Variants in NLRP8 observed in about 807,000 individuals in gnomAD.
NLRP8 encodes NLR family pyrin domain containing 8.
In NLRP8, 86 loss-of-function variants were observed where a neutral mutation model predicts 88.7. That is an observed-to-expected ratio of 0.97 (90% CI 0.81 to 1.16). NLRP8 has a LOEUF of 1.16. Ranked by LOEUF, NLRP8 falls within the 50% of genes most tolerant of loss-of-function variation. The probability of loss-of-function intolerance (pLI) is 0.00; values close to 1 mark genes in which losing one functional copy is unlikely to be tolerated. For synonymous variants in NLRP8, 504 were observed against 494.6 expected (o/e 1.02, Z -0.25); for missense variants, 1,342 against 1,286.5 (o/e 1.04, Z -0.66).
At chr19:55,953,466 G>C (rs1159423244) in intron 2 of NLRP8, among the ~76,000 whole-genome samples, 1 of 151,280 alleles carries the variant, frequency 6.6e-6, no homozygotes, top group African/African-American at 2.4e-5. Flanking sequence ...CACTTCAATA[G>C]AGTGTGTCTC....
chr19:55,972,896 G>A (rs542390059), intron 6 of NLRP8, among the ~76,000 whole-genome samples: 21 of 149,056 alleles, frequency 1.4e-4, no homozygotes, highest in South Asian at 1.1e-3. Context: ...CCATATTTTC[G>A]CAACTGCAAA....
chr19:55,970,259 A>G (rs973787792), intron 5 of NLRP8, among the ~76,000 whole-genome samples: 3 of 152,178 alleles, frequency 2.0e-5, no homozygotes, highest in Non-Finnish European at 4.4e-5. Flanking sequence ...TATTTTTCCA[A>G]CTAACTTTTT....
chr19:55,961,767 C>A (rs1979622102), intron 3 of NLRP8, among the ~76,000 whole-genome samples: 1 of 152,204 alleles, frequency 6.6e-6, no homozygotes, highest in Non-Finnish European at 1.5e-5. Context: ...CACTATACTC[C>A]AGCCTGGGCG....
chr19:55,961,319 G>A (rs1484662210), intron 3 of NLRP8, among the ~76,000 whole-genome samples: 1 of 152,162 alleles, frequency 6.6e-6, no homozygotes, highest in South Asian at 2.1e-4. Context: ...GTCCTTCTAC[G>A]GCCAAACTAC....
chr19:55,962,990 C>T (rs1979682123), intron 4 of NLRP8, among the ~76,000 whole-genome samples: 1 of 151,996 alleles, frequency 6.6e-6, no homozygotes, highest in Non-Finnish European at 1.5e-5. Context: ...CCGCTGCATT[C>T]CTTTGAAGTA....
At position 55,987,966 on chromosome 19, in the gene NLRP8, A is replaced by C; in HGVS notation, c.*53A>C. 2 of 1,368,450 alleles carry C rather than the reference A, an allele frequency of 1.5e-6. No individual in the cohort carries two copies. Among genetic ancestry groups the C allele is most frequent in the Middle Eastern group, 1.8e-4 (1 of 5,570 alleles). The allele number at this position is 1,368,450 out of a possible 1,614,324, so 84.8% of individuals were successfully genotyped here. On this transcript the variant is annotated 3_prime_UTR_variant, in exon 10 of 10. Coordinates refer to ENST00000291971, the MANE Select transcript of NLRP8 (RefSeq NM_176811.2). Reference sequence around the variant, plus strand: ...TGATTGATCAGTTCCCACTCTGACAACTGGCAAATACCAGGCGTTATCATC... The same window carrying C: ...TGATTGATCAGTTCCCACTCTGACACCTGGCAAATACCAGGCGTTATCATC...
At chr19:55,965,455 G>GAA (rs200594510) in intron 4 of NLRP8, among the ~76,000 whole-genome samples, 2 of 135,088 alleles carry the variant, frequency 1.5e-5, no homozygotes, top group Admixed American at 7.4e-5. Context: ...CATCTCACAA[G>GAA]AAAAAAAAAA....
Position 55,955,746 on chromosome 19 carries a change from T to C in NLRP8, c.1688T>C (p.Leu563Pro), listed in dbSNP as rs1290514961. Residue 563 changes from leucine to proline, a missense_variant, in exon 3 of 10, where the codon CTG becomes CCG. Coordinates refer to ENST00000291971, the MANE Select transcript of NLRP8 (RefSeq NM_176811.2). The stretch of plus-strand genomic sequence containing the variant: ...ATGGGACTTTTCTTATTCGGTTTTC[T>C]GAACGAGGCCTGCGCTTCGGCCGTG... 6.2e-7 allele frequency: 1 copy of C among 1,614,188 alleles called. No individual in the cohort carries two copies.
At position 55,973,638 on chromosome 19, in the gene NLRP8, C is replaced by T. The variant is rs759263949; in HGVS notation, c.2535-14C>T. On this transcript the variant is annotated splice_polypyrimidine_tract_variant and intron_variant, in intron 6 of 9. Transcript: ENST00000291971. ...CCCTCTCCATTCAGTCATCTGTGTG[C>T]TTCTCTCCCATAGGATAGAGAACTG... The T allele has an allele frequency of 1.5e-4, 236 of 1,585,392 alleles. No individual in the cohort carries two copies. Among genetic ancestry groups the T allele is most frequent in the Admixed American group, 6.7e-4 (39 of 58,038 alleles).
chr19:55,958,611 T>C (rs908421194), intron 3 of NLRP8, among the ~76,000 whole-genome samples: 4 of 152,166 alleles, frequency 2.6e-5, no homozygotes, highest in Non-Finnish European at 4.4e-5. Flanking sequence ...CAGGACTGAG[T>C]CATTGCCAGG....
chr19:55,949,632 A>G (rs1038880863), intron 1 of NLRP8, among the ~76,000 whole-genome samples: 2 of 152,166 alleles, frequency 1.3e-5, no homozygotes, highest in African/African-American at 4.8e-5. Flanking sequence ...GACCCTGCAG[A>G]GAAGGGGGGA....
At chr19:55,977,019 G>T (rs112504634) in intron 8 of NLRP8, among the ~76,000 whole-genome samples, 3,595 of 148,296 alleles carry the variant, frequency 0.024, 138 homozygotes, top group African/African-American at 0.084. Flanking sequence ...AGTGGAGCTT[G>T]CAGTGAGCCG....
Position 55,954,973 on chromosome 19 carries a change from C to T in NLRP8, c.915C>T (p.Asp305=), listed in dbSNP as rs907603497. 2 of 1,614,044 alleles carry T rather than the reference C, an allele frequency of 1.2e-6. No homozygotes were observed. Among genetic ancestry groups the T allele is most frequent in the Non-Finnish European group, 1.7e-6 (2 of 1,180,034 alleles). Residue 305 remains aspartate, a synonymous_variant, in exon 3 of 10, where the codon GAC becomes GAT. Coordinates refer to ENST00000291971, the MANE Select transcript of NLRP8 (RefSeq NM_176811.2). The stretch of plus-strand genomic sequence containing the variant: ...ACAGACTGGAGGACCTGAGTGAAGA[C>T]TGGAGGCAGAAATTGCCTGGGTCTG...
intron 7 of NLRP8, 64 bp from the exon 8 acceptor site, chr19:55,976,069 T>G: frequency 2.2e-6 from 3 of 1,337,546 alleles, no homozygotes; most frequent in South Asian, 1.6e-5. Flanking sequence ...TTTTCGTTGT[T>G]GTTGTTGTTG....
At chr19:55,967,020 T>A (rs1463617028) in intron 5 of NLRP8, among the ~76,000 whole-genome samples, 2 of 152,196 alleles carry the variant, frequency 1.3e-5, no homozygotes, top group African/African-American at 4.8e-5. Context: ...AATAATCACA[T>A]CTTGGAGAAT....
chr19:55,959,114 A>G (rs536343483), intron 3 of NLRP8, among the ~76,000 whole-genome samples: 2 of 144,460 alleles, frequency 1.4e-5, no homozygotes, highest in East Asian at 4.3e-4. Flanking sequence ...TCCTGACCTC[A>G]TGATCTGCCT....
At chr19:55,976,860 C>A (rs1387258867) in intron 8 of NLRP8, among the ~76,000 whole-genome samples, 1 of 148,912 alleles carries the variant, frequency 6.7e-6, no homozygotes, top group African/African-American at 2.5e-5. Flanking sequence ...TGGGGCGGAT[C>A]ATGAGATCAG....
At chr19:55,966,156 A>G in intron 4 of NLRP8, 57 bp from the exon 5 acceptor site, 3 of 1,554,474 alleles carry the variant, frequency 1.9e-6, no homozygotes, top group Middle Eastern at 1.7e-4. Context: ...GTGAGGCCAC[A>G]GAATTCTACG....
chr19:55,987,744 G>T, intron 9 of NLRP8: 1 of 1,139,116 alleles, frequency 8.8e-7, no homozygotes, highest in South Asian at 1.2e-5. Flanking sequence ...GAGACAAAAT[G>T]CAAGCTTAGG....
Sources: gnomAD v4.1 joint callset for allele counts (sites outside exome capture counted in the v4.1 genomes callset) on GRCh38, gnomAD v4.1.1 for gene constraint, MANE v1.5 for transcripts, NCBI Gene and HGNC (gene_info 2026-07-23, HGNC 2026-07-21) for gene names.